Variants in VWA5B1 observed in about 807,000 individuals in gnomAD.
VWA5B1 encodes von Willebrand factor A domain containing 5B1.
VWA5B1 carries 115 observed loss-of-function variants against 118.2 expected under a neutral mutation model. That is an observed-to-expected ratio of 0.97 (90% CI 0.84 to 1.14). The LOEUF is 1.14. Among genes scored for constraint, VWA5B1 ranks in the 50% most tolerant of loss-of-function variants. The pLI is 0.00. For synonymous variants in VWA5B1, 682 were observed against 658.4 expected (o/e 1.04, Z -0.55); for missense variants, 1,596 against 1,603.8 (o/e 1.00, Z 0.08).
rs1355976153 is a variant in VWA5B1, at chr1:20,337,779, G to T, written c.2076G>T (p.Leu692=). The part of the protein sequence containing the change: ...AKRYPLRKAR[L]QDLTNQTSLD... Reference sequence around the variant, plus strand: ...GATACCCACTGCGGAAAGCCAGGCTGCAGGACCTCACCAACCAGACCAGCC... The same window carrying T: ...GATACCCACTGCGGAAAGCCAGGCTTCAGGACCTCACCAACCAGACCAGCC... The change falls in exon 14 of 22, where the codon CTG becomes CTT. Residue 692 remains leucine, a synonymous_variant. Transcript: ENST00000289815. 1 of 1,551,838 alleles carries T rather than the reference G, an allele frequency of 6.4e-7. No individual in the cohort carries two copies. Among genetic ancestry groups the T allele is most frequent in the African/African-American group, 1.4e-5 (1 of 73,172 alleles).
intron 5 of VWA5B1, among the ~76,000 whole-genome samples, chr1:20,318,009 A>G (rs11589846): frequency 0.19 from 27,477 of 148,378 alleles, 2,892 homozygotes; most frequent in East Asian, 0.38. Context: ...AGAAGCACCC[A>G]GAGACACCCA....
chr1:20,320,893 G>T (rs557045760), intron 7 of VWA5B1, among the ~76,000 whole-genome samples: 1 of 152,136 alleles, frequency 6.6e-6, no homozygotes, highest in Non-Finnish European at 1.5e-5. Flanking sequence ...AAAAGAGCCC[G>T]TCTGGGCTGT....
In VWA5B1 at chr1:20,342,488, G is replaced by A. The variant is rs2089902005; in HGVS notation, c.2190G>A (p.Gly730=). 1 of 1,551,246 alleles carries A rather than the reference G, an allele frequency of 6.4e-7. No individual in the cohort carries two copies. Among genetic ancestry groups the A allele is most frequent in the Non-Finnish European group, 8.7e-7 (1 of 1,146,926 alleles). ...LNQGPKLRGP[G]ARRPSLLPQG... The stretch of plus-strand genomic sequence containing the variant: ...AGGGCCCCAAACTCCGTGGCCCAGG[G>A]GCCCGAAGGCCCTCTCTGCTGCCCC... The change falls in exon 15 of 22, where the codon GGG becomes GGA. Residue 730 remains glycine (G), a synonymous_variant. Transcript: ENST00000289815.
At position 20,340,861 on chromosome 1, in the gene VWA5B1, G is replaced by A. The variant is rs79370553; in HGVS notation, c.2134-1571G>A. Among the ~76,000 whole-genome samples, 1,253 of 152,160 alleles carry A rather than the reference G, an allele frequency of 8.2e-3. 9 individuals carry two copies. Among genetic ancestry groups the A allele is most frequent in the African/African-American group, 0.029 (1,190 of 41,492 alleles). ...ACAAACACATGCATACACTATACAC[G>A]TATGTATTTTTAATAATCACATATA... is the stretch of plus-strand genomic sequence containing the variant. On this transcript the variant is annotated intron_variant, in intron 14 of 21. Coordinates refer to ENST00000289815, the MANE Select transcript of VWA5B1 (RefSeq NM_001039500.3).
rs199975900 is a variant in VWA5B1 at position 20,348,327 on chromosome 1, G to A, written c.2847G>A (p.Thr949=). 5.8e-4 allele frequency: 895 copies of A among 1,551,640 alleles called. 3 individuals are homozygous for A. Among genetic ancestry groups the A allele is most frequent in the South Asian group, 3.7e-3 (309 of 84,064 alleles). The part of the protein sequence containing the change: ...GTSSGFGRPQ[T]MLGEDSAPGN... Reference sequence around the variant, plus strand: ...CTTCTGGCTTTGGAAGGCCGCAGACGATGCTTGGAGAAGATTCGGCACCAG... The same window carrying A: ...CTTCTGGCTTTGGAAGGCCGCAGACAATGCTTGGAGAAGATTCGGCACCAG... The change falls in exon 18 of 22, where the codon ACG becomes ACA. Residue 949 remains threonine (T), a synonymous_variant. Transcript: ENST00000289815.
intron 21 of VWA5B1, 79 bp downstream of exon 21, chr1:20,352,251 C>G: frequency 9.4e-7 from 1 of 1,058,882 alleles, no homozygotes; most frequent in Admixed American, 2.5e-5. Context: ...CCCTGCCCAC[C>G]TCTCCACTTC....
Position 20,327,239 on chromosome 1 carries a change from T to C in VWA5B1, c.1144-651T>C, listed in dbSNP as rs187454885. Among the ~76,000 whole-genome samples, 23 of 152,342 alleles carry C rather than the reference T, an allele frequency of 1.5e-4. No individual in the cohort carries two copies. The East Asian group carries it at 4.4e-3, about 29-fold the overall frequency. ...GCTCACCAACATGTTACTTCCCCTC[T>C]CTGTGCCTCAATCTTCTCTTCTATA... On this transcript the variant is annotated intron_variant, in intron 8 of 21. Transcript: ENST00000289815.
rs1486036523 is a variant in VWA5B1, at chr1:20,318,603, C to T, written c.723C>T (p.Pro241=). The change falls in exon 6 of 22, where the codon CCC becomes CCT. Residue 241 remains proline (P), a synonymous_variant. Coordinates refer to ENST00000289815, the MANE Select transcript of VWA5B1 (RefSeq NM_001039500.3). The stretch of plus-strand genomic sequence containing the variant: ...TATGCCACTCAGGGGTGGAGAGTCC[C>T]ACTCATGAGATTCGTGCCGACGCCG... ...GPCLLAGVES[P]THEIRADAAP... 7 of 1,551,336 alleles carry T rather than the reference C, an allele frequency of 4.5e-6. No individual in the cohort carries two copies. In the African/African-American group the frequency reaches 5.5e-5, roughly 12 times the overall value.
chr1:20,330,933 T>G lies in VWA5B1; in HGVS notation c.1522T>G (p.Ser508Ala), dbSNP rs1291456677. Residue 508 changes from serine (S) to alanine (A), a missense_variant, in exon 11 of 22, where the codon TCC (serine) becomes GCC (alanine). Physicochemically the swap from Ser to Ala is moderately conservative, Grantham distance 99. Transcript: ENST00000289815. ...HRLVKGLASV[S>A]EGSAELLMEG... Reference sequence around the variant, plus strand: ...ACTGGTGAAAGGACTGGCATCTGTGTCCGAGGGCAGTGCTGAGCTCCTGAT... The same window carrying G: ...ACTGGTGAAAGGACTGGCATCTGTGGCCGAGGGCAGTGCTGAGCTCCTGAT... The G allele has an allele frequency of 6.4e-7, 1 of 1,551,534 alleles. No individual in the cohort carries two copies. The highest frequency in any genetic ancestry group is 2.4e-5 in the East Asian group (1 of 40,932).
Position 20,319,517 on chromosome 1 carries a change from C to G in VWA5B1, c.966+11C>G. 1.3e-6 allele frequency: 2 copies of G among 1,551,390 alleles called. No individual in the cohort carries two copies. Among genetic ancestry groups the G allele is most frequent in the East Asian group, 2.4e-5 (1 of 40,920 alleles). On this transcript the variant is annotated intron_variant, in intron 7 of 21. Transcript: ENST00000289815. The stretch of plus-strand genomic sequence containing the variant: ...AGAGCAGAGCGGAAGGTGAGGGCAA[C>G]TGAGGTGGGGAGCGGACGGTGGCAG...
At chr1:20,332,492 A>ATAAAATAAAAT (rs2089591081) in intron 11 of VWA5B1, among the ~76,000 whole-genome samples, 1 of 98,524 alleles carries the variant, frequency 1.0e-5, no homozygotes. Context: ...AATAAAATAA[A>ATAAAATAAAAT]ATAAAATAAA....
intron 7 of VWA5B1, among the ~76,000 whole-genome samples, chr1:20,322,828 T>C (rs1406793273): frequency 3.9e-5 from 6 of 152,170 alleles, no homozygotes; most frequent in Admixed American, 3.3e-4. Flanking sequence ...TAAGTCCACC[T>C]GGAAATTGGG....
At chr1:20,317,750 GTGGGAA>G in intron 5 of VWA5B1, 75 bp downstream of exon 5, 5 of 998,576 alleles carry the variant, frequency 5.0e-6, no homozygotes, top group Non-Finnish European at 7.3e-6. Context: ...TGGGACGGGG[GTGGGAA>G]GGAAAGCCAA....
intron 17 of VWA5B1, among the ~76,000 whole-genome samples, chr1:20,347,717 C>T (rs2090037065): frequency 6.6e-6 from 1 of 152,044 alleles, no homozygotes; most frequent in South Asian, 2.1e-4. Flanking sequence ...CCCATCTCAG[C>T]CTCCTGAAGT....
At chr1:20,291,898 C>A (rs1232432900) in intron 1 of VWA5B1, among the ~76,000 whole-genome samples, 3 of 152,196 alleles carry the variant, frequency 2.0e-5, no homozygotes, top group Non-Finnish European at 1.5e-5. Context: ...ACCATAACGT[C>A]TGCGGCAGCC....
chr1:20,344,442 A>G (rs926462351), intron 16 of VWA5B1, among the ~76,000 whole-genome samples: 13 of 152,216 alleles, frequency 8.5e-5, no homozygotes, highest in African/African-American at 3.1e-4. Flanking sequence ...TGAAAAAGCA[A>G]TCTCCATCCC....
intron 1 of VWA5B1, among the ~76,000 whole-genome samples, chr1:20,295,524 C>T (rs1222106416): frequency 3.9e-5 from 6 of 152,272 alleles, no homozygotes; most frequent in African/African-American, 1.4e-4. Context: ...CTAGATCGTG[C>T]CTTGTGAATC....
At chr1:20,331,785 T>C (rs6696293) in intron 11 of VWA5B1, among the ~76,000 whole-genome samples, 7 of 152,006 alleles carry the variant, frequency 4.6e-5, no homozygotes, top group Non-Finnish European at 1.0e-4. Flanking sequence ...CTGGAAGCTG[T>C]CACCTAACGG....
intron 14 of VWA5B1, among the ~76,000 whole-genome samples, chr1:20,340,657 A>G (rs914317617): frequency 1.3e-5 from 2 of 152,222 alleles, no homozygotes; most frequent in Admixed American, 6.5e-5. Flanking sequence ...AGAGGCTTCA[A>G]ATTCATTTCT....
Sources: gnomAD v4.1 joint callset for allele counts (sites outside exome capture counted in the v4.1 genomes callset) on GRCh38, gnomAD v4.1.1 for gene constraint, MANE v1.5 for transcripts, NCBI Gene and HGNC (gene_info 2026-07-23, HGNC 2026-07-21) for gene names.